LAMA3: variants seen among roughly 807,000 people sequenced by gnomAD.
The protein encoded by LAMA3 is laminin subunit alpha 3.
Under a neutral mutation model 402.0 loss-of-function variants are expected in LAMA3, and 281 were observed. The observed-to-expected ratio is 0.70, with a 90% CI of 0.63 to 0.77. The LOEUF (loss-of-function observed/expected upper bound fraction) is 0.77, where lower values mean the gene tolerates loss of function less well. Among genes scored for constraint, LAMA3 ranks in the 30% least tolerant of loss-of-function variants. The pLI, the probability that LAMA3 is intolerant of heterozygous loss-of-function variation, is 0.00. For synonymous variants in LAMA3, 1,431 were observed against 1,558.4 expected, an observed-to-expected ratio of 0.92 and a Z score of 1.93; for missense variants, 3,840 against 4,215.5, an observed-to-expected ratio of 0.91 and a Z score of 2.47.
rs188030737 is a variant in LAMA3, at chr18:23,844,700, A to C, written c.3604-309A>C. 2.6e-5 allele frequency among the ~76,000 whole-genome samples: 4 copies of C among 152,258 alleles called. No homozygotes were observed. In the East Asian group the frequency reaches 7.7e-4, roughly 29 times the overall value. ...CAGTGAAGAGAAAGTACAGGTTGAA[A>C]ATCTCTTATCTGAAATGATTGGGAC... is the stretch of plus-strand genomic sequence containing the variant. On this transcript the variant is annotated intron_variant, in intron 29 of 74. Coordinates refer to ENST00000313654, the MANE Select transcript of LAMA3 (RefSeq NM_198129.4).
intron 48 of LAMA3, among the ~76,000 whole-genome samples, chr18:23,901,671 T>A (rs2081075529): frequency 6.6e-6 from 1 of 152,244 alleles, no homozygotes; most frequent in African/African-American, 2.4e-5. Context: ...TAATTTACTT[T>A]TTGTGTCAAA....
At chr18:23,843,723 G>A (rs182642219) in intron 29 of LAMA3, among the ~76,000 whole-genome samples, 47 of 152,136 alleles carry the variant, frequency 3.1e-4, no homozygotes, top group African/African-American at 1.0e-3. Context: ...TAGGATCCAC[G>A]TGCCTCACTC....
intron 8 of LAMA3, 131 bp from the exon 9 acceptor site, chr18:23,773,366 A>T: frequency 5.4e-6 from 4 of 739,086 alleles, no homozygotes; most frequent in Admixed American, 2.1e-5. Flanking sequence ...ATGCTTTTTT[A>T]AATTATTATT....
intron 69 of LAMA3, among the ~76,000 whole-genome samples, chr18:23,945,660 C>T (rs1190618535): frequency 6.6e-6 from 1 of 152,082 alleles, no homozygotes; most frequent in Non-Finnish European, 1.5e-5. Context: ...ACACCAGACC[C>T]CAGGGATCAG....
chr18:23,881,960 G>C lies in LAMA3; in HGVS notation c.5137G>C (p.Glu1713Gln), dbSNP rs1479370067. 1.2e-6 allele frequency: 2 copies of C among 1,613,946 alleles called. No individual in the cohort carries two copies. The highest frequency in any genetic ancestry group is 2.2e-5 in the South Asian group (2 of 91,082). The change falls in exon 40 of 75, where the codon GAG (glutamate) becomes CAG (glutamine). Residue 1713 changes from glutamate (E) to glutamine (Q), a missense_variant. This residue lies in a region of LAMA3 where 2,109 missense variants were observed against 2,376.0 expected (regional missense o/e 0.89). Coordinates refer to ENST00000313654, the MANE Select transcript of LAMA3 (RefSeq NM_198129.4). ...CVNCQHNTAG[E>Q]HCERCQEGYY... ...GAACTGTCAGCACAACACCGCGGGA[G>C]AGCACTGTGAACGCTGCCAGGAGGG...
At chr18:23,869,064 ACAGGTGATAT>A (rs2064438898) in intron 37 of LAMA3, among the ~76,000 whole-genome samples, 1 of 152,252 alleles carries the variant, frequency 6.6e-6, no homozygotes, top group Non-Finnish European at 1.5e-5. Flanking sequence ...TTTATGTGAG[ACAGGTGATAT>A]CAGTAAAATG....
At position 23,689,516 on chromosome 18, in the gene LAMA3, C is replaced by T. The variant is rs990839866; in HGVS notation, c.-168C>T. The T allele has an allele frequency of 2.1e-5, 12 of 574,484 alleles. No individual in the cohort carries two copies. In the African/African-American group the frequency reaches 2.3e-4, roughly 11 times the overall value. 35.6% of individuals were successfully genotyped at this position (574,484 alleles called of 1,614,324 possible). On this transcript the variant is annotated 5_prime_UTR_variant, in exon 1 of 75. Coordinates refer to ENST00000313654, the MANE Select transcript of LAMA3 (RefSeq NM_198129.4). The stretch of plus-strand genomic sequence containing the variant: ...GGTTCCAGAGCTGAGAGGCCACCCC[C>T]ACGCCGCGGGCTTCCAGCGCGTGGA...
In LAMA3 at chr18:23,777,079, A is replaced by G. The variant is rs370316904; in HGVS notation, c.1406-478A>G. 2.7e-3 allele frequency among the ~76,000 whole-genome samples: 407 copies of G among 152,142 alleles called. 3 individuals are homozygous for G. The highest frequency in any genetic ancestry group is 0.026 in the South Asian group (123 of 4,810). Reference sequence around the variant, plus strand: ...GGTCTTGAGCTCCTGACCTCAGATTATCTGCCTGCCTCAGCTTCACAAAGT... The same window carrying G: ...GGTCTTGAGCTCCTGACCTCAGATTGTCTGCCTGCCTCAGCTTCACAAAGT... On this transcript the variant is annotated intron_variant, in intron 10 of 74. Coordinates refer to ENST00000313654, the MANE Select transcript of LAMA3 (RefSeq NM_198129.4).
intron 18 of LAMA3, among the ~76,000 whole-genome samples, chr18:23,818,566 G>A (rs930975071): frequency 2.0e-5 from 3 of 152,194 alleles, no homozygotes; most frequent in South Asian, 2.1e-4. Flanking sequence ...TCTGACAAGT[G>A]TAGAAAGAAT....
intron 12 of LAMA3, among the ~76,000 whole-genome samples, chr18:23,785,512 G>A (rs972017349): frequency 3.3e-5 from 5 of 152,188 alleles, no homozygotes; most frequent in African/African-American, 9.7e-5. Context: ...ATTGTTGTGA[G>A]GGTTACATAT....
intron 1 of LAMA3, among the ~76,000 whole-genome samples, chr18:23,695,148 A>T (rs2060660813): frequency 6.6e-6 from 1 of 152,196 alleles, no homozygotes; most frequent in African/African-American, 2.4e-5. Context: ...GCAAGGAAGG[A>T]TCCTTCCTCT....
chr18:23,796,838 C>T (rs562374762), intron 12 of LAMA3, among the ~76,000 whole-genome samples: 5 of 152,244 alleles, frequency 3.3e-5, no homozygotes, highest in Non-Finnish European at 5.9e-5. Flanking sequence ...CATGCCTGGC[C>T]TCATTGATAT....
At chr18:23,716,766 G>A (rs1464405745) in intron 2 of LAMA3, among the ~76,000 whole-genome samples, 3 of 152,166 alleles carry the variant, frequency 2.0e-5, no homozygotes, top group Admixed American at 1.3e-4. Context: ...TGAGAATGTG[G>A]GTTCTGGAGT....
At chr18:23,813,671 A>G (rs1598844661) in intron 14 of LAMA3, among the ~76,000 whole-genome samples, 3 of 150,246 alleles carry the variant, frequency 2.0e-5, no homozygotes, top group South Asian at 4.2e-4. Context: ...GCCTCCGAGT[A>G]ACTGGGATTA....
intron 12 of LAMA3, among the ~76,000 whole-genome samples, chr18:23,803,282 A>G (rs2062899285): frequency 6.6e-6 from 1 of 152,132 alleles, no homozygotes; most frequent in Non-Finnish European, 1.5e-5. Flanking sequence ...ATGGTGCCAT[A>G]TTGAGGACTT....
At position 23,876,319 on chromosome 18, in the gene LAMA3, A is replaced by G. The variant is rs2064710074; in HGVS notation, c.5024A>G (p.Asp1675Gly). Residue 1675 changes from aspartate (D) to glycine (G), a missense_variant, in exon 39 of 75, where the codon GAT becomes GGT. Coordinates refer to ENST00000313654, the MANE Select transcript of LAMA3 (RefSeq NM_198129.4). Reference sequence around the variant, plus strand: ...GGTTGTAGCCCTGGATACTATCGGGATCATAAAGGCTTGTATACCGGACGG... The same window carrying G: ...GGTTGTAGCCCTGGATACTATCGGGGTCATAAAGGCTTGTATACCGGACGG... Reference protein sequence around the residue: ...CQGCSPGYYRDHKGLYTGRCV... With the variant: ...CQGCSPGYYRGHKGLYTGRCV... 6.2e-7 allele frequency: 1 copy of G among 1,613,692 alleles called. No individual in the cohort carries two copies. Among genetic ancestry groups the G allele is most frequent in the African/African-American group, 1.3e-5 (1 of 74,928 alleles).
intron 10 of LAMA3, among the ~76,000 whole-genome samples, chr18:23,777,262 A>AC (rs1457277647): frequency 2.0e-5 from 3 of 151,800 alleles, no homozygotes; most frequent in Non-Finnish European, 2.9e-5. Context: ...TAAAAAAAAA[A>AC]ACAATAAAAA....
chr18:23,805,330 A>G (rs975626165), intron 12 of LAMA3, among the ~76,000 whole-genome samples: 11 of 152,240 alleles, frequency 7.2e-5, no homozygotes, highest in Admixed American at 1.3e-4. Flanking sequence ...GGCAAGCAGT[A>G]GGAATCACCA....
chr18:23,764,030 T>C (rs1007313416), intron 8 of LAMA3, among the ~76,000 whole-genome samples: 5 of 152,202 alleles, frequency 3.3e-5, no homozygotes, highest in Non-Finnish European at 7.3e-5. Context: ...AGGGAGTGTA[T>C]GGCGGAAGAG....
Sources: gnomAD v4.1 joint callset for allele counts (sites outside exome capture counted in the v4.1 genomes callset) on GRCh38, gnomAD v4.1.1 for gene constraint, gnomAD v4.1.1 regional missense constraint, MANE v1.5 for transcripts, NCBI Gene and HGNC (gene_info 2026-07-23, HGNC 2026-07-21) for gene names.